ROBO2: variants seen among roughly 807,000 people sequenced by gnomAD.
ROBO2 encodes roundabout guidance receptor 2.
In ROBO2, 53 loss-of-function variants were observed where a neutral mutation model predicts 160.8. That is an observed-to-expected ratio of 0.33 (90% CI 0.26 to 0.41). The LOEUF (loss-of-function observed/expected upper bound fraction) is 0.41. Among genes scored for constraint, ROBO2 ranks in the 10% least tolerant of loss-of-function variants. The pLI is 1.00. For missense variants in ROBO2, 1,577 were observed against 1,722.4 expected (o/e 0.92, Z 1.49); for synonymous variants, 664 against 611.7 (o/e 1.09, Z -1.26).
At chr3:77,365,079 AGGT>A (rs1180800313) in intron 2 of ROBO2, among the ~76,000 whole-genome samples, 1 of 147,474 alleles carries the variant, frequency 6.8e-6, no homozygotes, top group Non-Finnish European at 1.5e-5. Context: ...CAGGAGGAGG[AGGT>A]TGCAGTGAGC....
chr3:76,296,156 T>A (rs996500065), intron 2 of ROBO2, among the ~76,000 whole-genome samples: 1 of 152,034 alleles, frequency 6.6e-6, no homozygotes, highest in Non-Finnish European at 1.5e-5. Context: ...TACGATGTGA[T>A]GACAGAGGGA....
At chr3:76,676,754 G>A (rs1460186201) in intron 2 of ROBO2, among the ~76,000 whole-genome samples, 3 of 152,034 alleles carry the variant, frequency 2.0e-5, no homozygotes, top group Non-Finnish European at 2.9e-5. Flanking sequence ...TGAAGACTGC[G>A]AACATGTTGC....
At chr3:76,896,634 T>C (rs1559668575) in intron 2 of ROBO2, among the ~76,000 whole-genome samples, 1 of 152,130 alleles carries the variant, frequency 6.6e-6, no homozygotes. Context: ...TAGAATCTTA[T>C]CAGGTACAAG....
intron 2 of ROBO2, among the ~76,000 whole-genome samples, chr3:77,229,757 G>A (rs1289360952): frequency 1.3e-5 from 2 of 151,824 alleles, no homozygotes; most frequent in Non-Finnish European, 2.9e-5. Context: ...CTGCAGTCTG[G>A]GGCACCGCCA....
chr3:76,373,860 G>A (rs1439868211), intron 2 of ROBO2, among the ~76,000 whole-genome samples: 7 of 151,894 alleles, frequency 4.6e-5, no homozygotes, highest in African/African-American at 1.4e-4. Context: ...TGCTTCTGTG[G>A]TCAGTAATGG....
intron 2 of ROBO2, among the ~76,000 whole-genome samples, chr3:76,987,946 A>G (rs1056026944): frequency 6.6e-6 from 1 of 152,186 alleles, no homozygotes; most frequent in Non-Finnish European, 1.5e-5. Flanking sequence ...TGATATTAAA[A>G]TAATCTATAA....
In ROBO2 at chr3:76,262,601, C is replaced by G. The variant is rs140271764; in HGVS notation, c.109+324999C>G. On this transcript the variant is annotated intron_variant, in intron 2 of 26. Coordinates refer to the ROBO2 transcript ENST00000487694. ...CCTACTTATATACTTGGGGTTGTCCCTAAAGCTGGATGTCAGCTTTTCTAA... is the reference window on the plus strand; with the variant it reads ...CCTACTTATATACTTGGGGTTGTCCGTAAAGCTGGATGTCAGCTTTTCTAA... 7.9e-5 allele frequency among the ~76,000 whole-genome samples: 12 copies of G among 152,174 alleles called. No homozygotes were observed. The East Asian group carries it at 2.1e-3, about 27-fold the overall frequency.
chr3:75,974,207 T>C (rs972729706), intron 2 of ROBO2, among the ~76,000 whole-genome samples: 3 of 151,626 alleles, frequency 2.0e-5, no homozygotes, highest in African/African-American at 7.3e-5. Flanking sequence ...AGAAGCAATA[T>C]ATGAAAACAT....
intron 2 of ROBO2, among the ~76,000 whole-genome samples, chr3:76,034,769 C>T (rs898503677): frequency 1.3e-5 from 2 of 152,086 alleles, no homozygotes; most frequent in African/African-American, 4.8e-5. Context: ...AAAATTCCTT[C>T]GTGTGACATT....
Position 77,318,837 on chromosome 3 carries a change from T to C in ROBO2, c.389-158577T>C, listed in dbSNP as rs185129393. On this transcript the variant is annotated intron_variant, in intron 2 of 25. Coordinates refer to ENST00000461745, the Ensembl canonical transcript of ROBO2. ...ACTATGATTGAGAAATTAAAGATGG[T>C]TGAAATTTTATATAAATCGATGTCA... 2.6e-5 allele frequency among the ~76,000 whole-genome samples: 4 copies of C among 152,296 alleles called. No individual in the cohort carries two copies. The East Asian group carries it at 7.7e-4, about 29-fold the overall frequency.
intron 2 of ROBO2, among the ~76,000 whole-genome samples, chr3:76,826,577 A>G (rs1428162417): frequency 2.0e-5 from 3 of 152,152 alleles, no homozygotes; most frequent in Admixed American, 2.0e-4. Context: ...AGCATGCTAC[A>G]TAAGGCTAGA....
rs1309578443 is a variant in ROBO2 at position 75,967,969 on chromosome 3, TAAG to T, written c.109+30372_109+30374del. Among the ~76,000 whole-genome samples the T allele has an allele frequency of 5.9e-5, 9 of 151,716 alleles. No homozygotes were observed. The East Asian group carries it at 1.8e-3, about 30-fold the overall frequency. ...TGCTCAATTACAGAGTGAACAATTT[TAAG>T]AAGATTTAAAGGCCACAGGAGAAGT... is the stretch of plus-strand genomic sequence containing the variant. On this transcript the variant is annotated intron_variant, in intron 2 of 26. Coordinates refer to the ROBO2 transcript ENST00000487694.
At chr3:76,539,895 G>C (rs866174081) in intron 2 of ROBO2, among the ~76,000 whole-genome samples, 56 of 152,182 alleles carry the variant, frequency 3.7e-4, no homozygotes, top group African/African-American at 1.3e-3. Context: ...CAAATGTCCA[G>C]CTGTAATGAA....
chr3:76,921,689 C>G (rs566792808), intron 2 of ROBO2, among the ~76,000 whole-genome samples: 88 of 152,162 alleles, frequency 5.8e-4, no homozygotes, highest in Non-Finnish European at 8.7e-4. Context: ...TTGTTTCTTT[C>G]TTTCTTTCTT....
chr3:76,319,800 C>G (rs769603799), intron 2 of ROBO2, among the ~76,000 whole-genome samples: 4 of 149,620 alleles, frequency 2.7e-5, no homozygotes, highest in Admixed American at 6.7e-5. Context: ...TATTCCTGTT[C>G]TTGTTTTTGT....
chr3:76,486,320 T>C (rs992683452), intron 2 of ROBO2, among the ~76,000 whole-genome samples: 2 of 152,152 alleles, frequency 1.3e-5, no homozygotes. Context: ...AGTGATTCTA[T>C]ACGATTAACT....
chr3:76,660,986 AT>A (rs1450236635), intron 2 of ROBO2, among the ~76,000 whole-genome samples: 1 of 152,154 alleles, frequency 6.6e-6, no homozygotes, highest in Admixed American at 6.5e-5. Context: ...GTAATGGAGA[AT>A]TTTACAGGAT....
chr3:76,931,004 G>T (rs1047956075), intron 2 of ROBO2, among the ~76,000 whole-genome samples: 1 of 152,038 alleles, frequency 6.6e-6, no homozygotes, highest in East Asian at 1.9e-4. Flanking sequence ...TTTTTTCTCT[G>T]CTAGAATGTA....
intron 2 of ROBO2, among the ~76,000 whole-genome samples, chr3:76,859,462 T>C (rs141249822): frequency 0.015 from 2,258 of 152,252 alleles, 17 homozygotes; most frequent in Middle Eastern, 0.024. Context: ...CCCAATCCAA[T>C]TGGCCCTCTG....
Sources: gnomAD v4.1 joint callset for allele counts (sites outside exome capture counted in the v4.1 genomes callset) on GRCh38, gnomAD v4.1.1 for gene constraint, MANE v1.5 for transcripts, NCBI Gene and HGNC (gene_info 2026-07-23, HGNC 2026-07-21) for gene names.